The following PIK3CB variants were observed in gnomAD, a reference collection of about 807,000 sequenced individuals.
PIK3CB encodes the protein phosphatidylinositol 4,5-bisphosphate 3-kinase catalytic subunit beta isoform.
A neutral mutation model predicts 136.8 loss-of-function variants in PIK3CB; 39 were observed. The ratio of observed to expected loss-of-function variants is 0.29; its 90% confidence interval spans 0.22 to 0.37. PIK3CB has a LOEUF of 0.37. PIK3CB is among the 10% of genes least tolerant of loss of function. PIK3CB has a pLI of 1.00. For synonymous variants in PIK3CB, 428 were observed against 436.6 expected (o/e 0.98, Z 0.25); for missense variants, 868 against 1,275.4 (o/e 0.68, Z 4.87).
chr3:138,755,321 C>T (rs564203326), intron 4 of PIK3CB, among the ~76,000 whole-genome samples: 1 of 152,136 alleles, frequency 6.6e-6, no homozygotes, highest in Admixed American at 6.6e-5. Flanking sequence ...TCTTTCCAAT[C>T]CATCAAAGAT....
chr3:138,737,250 G>A (rs1348668007), intron 6 of PIK3CB, among the ~76,000 whole-genome samples: 1 of 151,570 alleles, frequency 6.6e-6, no homozygotes, highest in Non-Finnish European at 1.5e-5. Context: ...AAAAGAAGCT[G>A]GGCATGGTGG....
At position 138,695,922 on chromosome 3, in the gene PIK3CB, A is replaced by G. The variant is rs1202369408; in HGVS notation, c.1771-1015T>C. 3.5e-5 allele frequency among the ~76,000 whole-genome samples: 4 copies of G among 113,906 alleles called. No individual in the cohort carries two copies. In the East Asian group the frequency reaches 9.3e-4, roughly 26 times the overall value. The allele number at this position is 113,906 out of a possible 152,430, so 74.7% of individuals were successfully genotyped here. The stretch of plus-strand genomic sequence containing the variant: ...AGGTGCCTGCCACTATGCCCAGCTA[A>G]TTTTTTGTATTTTTTTTTTTTTTTT... On this transcript the variant is annotated intron_variant, in intron 13 of 23. Coordinates refer to ENST00000674063, the MANE Select transcript of PIK3CB (RefSeq NM_006219.3).
chr3:138,788,832 T>C (rs576969586), intron 2 of PIK3CB, among the ~76,000 whole-genome samples: 2 of 144,646 alleles, frequency 1.4e-5, no homozygotes, highest in African/African-American at 2.6e-5. Context: ...GGCATAGTGG[T>C]ACGCACCTGT....
chr3:138,731,581 A>G (rs1403504476), intron 8 of PIK3CB, among the ~76,000 whole-genome samples: 1 of 152,090 alleles, frequency 6.6e-6, no homozygotes, highest in Non-Finnish European at 1.5e-5. Context: ...TGTTGCAACA[A>G]TTAGTCTTGT....
At chr3:138,694,713 T>A in intron 14 of PIK3CB, 73 bp downstream of exon 14, 1 of 1,491,458 alleles carries the variant, frequency 6.7e-7, no homozygotes, top group Non-Finnish European at 9.2e-7. Context: ...TTATGAGACA[T>A]CAAGGAGACA....
intron 1 of PIK3CB, among the ~76,000 whole-genome samples, chr3:138,817,382 G>A (rs1933383869): frequency 6.6e-6 from 1 of 152,028 alleles, no homozygotes; most frequent in Non-Finnish European, 1.5e-5. Flanking sequence ...CGGGCCTGGT[G>A]GCGCATGCCT....
At chr3:138,739,453 T>G (rs2108659906) in intron 5 of PIK3CB, among the ~76,000 whole-genome samples, 1 of 147,950 alleles carries the variant, frequency 6.8e-6, no homozygotes, top group South Asian at 2.2e-4. Flanking sequence ...AAAAAATAAA[T>G]AAAATAAAAT....
chr3:138,745,658 C>A (rs2108681296), intron 4 of PIK3CB, among the ~76,000 whole-genome samples: 1 of 152,144 alleles, frequency 6.6e-6, no homozygotes, highest in Non-Finnish European at 1.5e-5. Flanking sequence ...CCCTTACTGG[C>A]AAAGTAGTTC....
At chr3:138,754,401 C>T (rs942721117) in intron 4 of PIK3CB, among the ~76,000 whole-genome samples, 3 of 151,928 alleles carry the variant, frequency 2.0e-5, no homozygotes, top group African/African-American at 7.3e-5. Flanking sequence ...ATGATCGTAC[C>T]ACTGCACTCT....
intron 21 of PIK3CB, among the ~76,000 whole-genome samples, chr3:138,661,456 C>T (rs1470723979): frequency 2.6e-5 from 4 of 152,296 alleles, no homozygotes; most frequent in East Asian, 1.9e-4. Flanking sequence ...TCTATCACCC[C>T]GAAGTCTGGT....
At chr3:138,736,691 C>G (rs1457394462) in intron 6 of PIK3CB, among the ~76,000 whole-genome samples, 1 of 152,126 alleles carries the variant, frequency 6.6e-6, no homozygotes, top group Admixed American at 6.5e-5. Context: ...CAAAAATAAT[C>G]TGGGGCAATT....
chr3:138,756,131 G>A, intron 3 of PIK3CB, 152 bp from the exon 4 acceptor site: 2 of 447,028 alleles, frequency 4.5e-6, no homozygotes, highest in South Asian at 1.1e-4. Flanking sequence ...ATGAATTATA[G>A]AATATTACAG....
chr3:138,685,676 T>C (rs2043875274), intron 16 of PIK3CB, among the ~76,000 whole-genome samples: 1 of 152,116 alleles, frequency 6.6e-6, no homozygotes, highest in Admixed American at 6.6e-5. Flanking sequence ...ACGAATTATT[T>C]TATAATAAAG....
At chr3:138,790,314 A>C (rs186409465) in intron 2 of PIK3CB, among the ~76,000 whole-genome samples, 118 of 152,194 alleles carry the variant, frequency 7.8e-4, no homozygotes, top group African/African-American at 2.7e-3. Flanking sequence ...TTATACACTT[A>C]AAAGTGGTTA....
At chr3:138,793,047 A>G (rs953921851) in intron 2 of PIK3CB, among the ~76,000 whole-genome samples, 1 of 152,196 alleles carries the variant, frequency 6.6e-6, no homozygotes, top group African/African-American at 2.4e-5. Context: ...GGGAGAAGAA[A>G]GCATTTAGGA....
In PIK3CB at chr3:138,741,642, A is replaced by G. The variant is rs148668854; in HGVS notation, c.621+916T>C. Among the ~76,000 whole-genome samples, 4 of 152,264 alleles carry G rather than the reference A, an allele frequency of 2.6e-5. No individual in the cohort carries two copies. The East Asian group carries it at 7.7e-4, about 29-fold the overall frequency. On this transcript the variant is annotated intron_variant, in intron 5 of 23. Transcript: ENST00000674063. Reference sequence around the variant, plus strand: ...TCAGAAGTTTGAGACTAGCCTGCCAACATGATGAAACCCCATCTCTACTAA... The same window carrying G: ...TCAGAAGTTTGAGACTAGCCTGCCAGCATGATGAAACCCCATCTCTACTAA...
At chr3:138,728,604 C>T (rs554378953) in intron 8 of PIK3CB, among the ~76,000 whole-genome samples, 3 of 151,638 alleles carry the variant, frequency 2.0e-5, no homozygotes, top group South Asian at 4.2e-4. Context: ...GGTGAAACCC[C>T]GTCTCTACTA....
intron 5 of PIK3CB, among the ~76,000 whole-genome samples, chr3:138,740,726 C>A (rs1040116248): frequency 6.6e-6 from 1 of 151,958 alleles, no homozygotes; most frequent in Non-Finnish European, 1.5e-5. Context: ...AATCTGGGCT[C>A]GCTGCAAACT....
At chr3:138,728,791 A>AG (rs1209948089) in intron 8 of PIK3CB, among the ~76,000 whole-genome samples, 27 of 150,986 alleles carry the variant, frequency 1.8e-4, no homozygotes, top group East Asian at 3.9e-4. Flanking sequence ...AAAAAAAAAA[A>AG]AAGAAAACCA....
Sources: gnomAD v4.1 joint callset for allele counts (sites outside exome capture counted in the v4.1 genomes callset) on GRCh38, gnomAD v4.1.1 for gene constraint, MANE v1.5 for transcripts, NCBI Gene and HGNC (gene_info 2026-07-23, HGNC 2026-07-21) for gene names.